Variants in PRRC2B observed in about 807,000 individuals in gnomAD.
PRRC2B encodes the protein proline rich coiled-coil 2B, also known as protein PRRC2B.
In PRRC2B, 68 loss-of-function variants were observed where a neutral mutation model predicts 242.3. That is an observed-to-expected ratio of 0.28 (90% CI 0.23 to 0.34). The LOEUF is 0.34. Among genes scored for constraint, PRRC2B ranks in the 10% least tolerant of loss-of-function variants. The pLI, the probability that PRRC2B is intolerant of heterozygous loss-of-function variation, is 1.00. For synonymous variants in PRRC2B, 1,228 were observed against 1,173.6 expected, an observed-to-expected ratio of 1.05 and a Z score of -0.95; for missense variants, 2,835 against 2,954.8, an observed-to-expected ratio of 0.96 and a Z score of 0.94.
In PRRC2B at chr9:131,496,555, T is replaced by G. The variant is rs1054022599; in HGVS notation, c.*681T>G. The G allele has an allele frequency of 2.0e-5, 3 of 148,602 alleles. No homozygotes were observed. The highest frequency in any genetic ancestry group is 4.5e-5 in the Non-Finnish European group (3 of 67,394). 9.2% of individuals were successfully genotyped at this position (148,602 alleles called of 1,614,324 possible). A position where few individuals can be genotyped will look rare whatever the true frequency, so the allele number is the denominator to read the frequency against. The stretch of plus-strand genomic sequence containing the variant: ...AAAGGAGGTTCTTGAGGGCACCGAT[T>G]GCGAGCATTCTGGTGCCTGGCTCCC... On this transcript the variant is annotated 3_prime_UTR_variant, in exon 32 of 32. Coordinates refer to ENST00000683519, the MANE Select transcript of PRRC2B (RefSeq NM_013318.4).
At chr9:131,425,444 A>G (rs1046351867) in intron 1 of PRRC2B, among the ~76,000 whole-genome samples, 1 of 152,134 alleles carries the variant, frequency 6.6e-6, no homozygotes, top group Non-Finnish European at 1.5e-5. Context: ...AGTCAGAGAA[A>G]GTAGAGGCCA....
chr9:131,410,513 C>T (rs1374096380), intron 1 of PRRC2B, among the ~76,000 whole-genome samples: 4 of 152,190 alleles, frequency 2.6e-5, no homozygotes, highest in Non-Finnish European at 5.9e-5. Flanking sequence ...TCTTCCAGTG[C>T]CCAACACTGC....
At chr9:131,426,466 G>A (rs538573060) in intron 1 of PRRC2B, among the ~76,000 whole-genome samples, 129 of 152,102 alleles carry the variant, frequency 8.5e-4, no homozygotes, top group Admixed American at 1.5e-3. Context: ...CAAGAGGCTT[G>A]CAATCTAGCC....
rs1034860463 is a variant in PRRC2B at position 131,468,219 on chromosome 9, G to A, written c.1911+466G>A. Among the ~76,000 whole-genome samples, 7 of 152,278 alleles carry A rather than the reference G, an allele frequency of 4.6e-5. No homozygotes were observed. The South Asian group carries it at 1.5e-3, about 32-fold the overall frequency. The stretch of plus-strand genomic sequence containing the variant: ...GCCCAAGAGAGGCACGTCACCTTTG[G>A]GTTACAGATGTAGGTTTGCAGGTTT... On this transcript the variant is annotated intron_variant, in intron 13 of 31. Coordinates refer to ENST00000683519, the MANE Select transcript of PRRC2B (RefSeq NM_013318.4).
At chr9:131,381,312 T>G (rs1836756410) in intron 1 of PRRC2B, among the ~76,000 whole-genome samples, 1 of 152,202 alleles carries the variant, frequency 6.6e-6, no homozygotes, top group East Asian at 1.9e-4. Flanking sequence ...TTTGGGAGGC[T>G]GCTTTGAGAG....
chr9:131,486,785 GTTC>G (rs1017246172), intron 26 of PRRC2B, among the ~76,000 whole-genome samples: 2 of 152,214 alleles, frequency 1.3e-5, no homozygotes, highest in African/African-American at 4.8e-5. Context: ...TTAAAAACAT[GTTC>G]TTAACTGCTG....
At chr9:131,436,098 C>T (rs551070280) in intron 3 of PRRC2B, among the ~76,000 whole-genome samples, 1 of 152,312 alleles carries the variant, frequency 6.6e-6, no homozygotes, top group East Asian at 1.9e-4. Flanking sequence ...GCCCTTCATT[C>T]CAGTGATTGA....
chr9:131,400,328 T>C (rs1231439097), intron 1 of PRRC2B, among the ~76,000 whole-genome samples: 2 of 151,734 alleles, frequency 1.3e-5, no homozygotes, highest in African/African-American at 4.8e-5. Context: ...TTTCTTTCTT[T>C]TTTTTTTTGA....
At chr9:131,463,645 T>TC (rs386416371) in intron 11 of PRRC2B, among the ~76,000 whole-genome samples, 5 of 143,510 alleles carry the variant, frequency 3.5e-5, no homozygotes, top group African/African-American at 1.3e-4. Flanking sequence ...TTTTTTTTTT[T>TC]TCTTAATGGG....
At chr9:131,388,355 C>A (rs1836853385) in intron 1 of PRRC2B, among the ~76,000 whole-genome samples, 1 of 147,372 alleles carries the variant, frequency 6.8e-6, no homozygotes, top group South Asian at 2.2e-4. Context: ...ATTCTCCTGC[C>A]TCAGCCTCCC....
At chr9:131,443,920 C>G (rs944231799) in intron 5 of PRRC2B, among the ~76,000 whole-genome samples, 10 of 152,186 alleles carry the variant, frequency 6.6e-5, no homozygotes, top group African/African-American at 2.4e-4. Context: ...TGGCCTGGAG[C>G]GGCTGTGATG....
chr9:131,461,490 A>G (rs1255460114), intron 11 of PRRC2B, among the ~76,000 whole-genome samples: 3 of 152,188 alleles, frequency 2.0e-5, no homozygotes, highest in Non-Finnish European at 4.4e-5. Context: ...AGGGGGAGTC[A>G]TGACTTTGAA....
chr9:131,475,906 C>T lies in PRRC2B; in HGVS notation c.3777C>T (p.Ser1259=). The change falls in exon 16 of 32, where the codon TCC becomes TCT. Residue 1259 remains serine (S), a synonymous_variant. Transcript: ENST00000683519. ...CAGACAGAGACTATGTCCCAGATTC[C>T]TACAGACACCCTGACGCATTTGGTG... ...RPTDRDYVPD[S]YRHPDAFGGR... is the part of the protein sequence containing the mutation. 6.2e-7 allele frequency: 1 copy of T among 1,614,006 alleles called. No individual in the cohort carries two copies. The highest frequency in any genetic ancestry group is 1.7e-5 in the Admixed American group (1 of 60,032).
chr9:131,401,695 A>T (rs1328392785), intron 1 of PRRC2B, among the ~76,000 whole-genome samples: 3 of 133,296 alleles, frequency 2.3e-5, no homozygotes, highest in Non-Finnish European at 4.9e-5. Context: ...CAGAGTTTTG[A>T]TGTTGCCCAG....
At chr9:131,442,871 A>G (rs1445631017) in intron 5 of PRRC2B, among the ~76,000 whole-genome samples, 1 of 152,222 alleles carries the variant, frequency 6.6e-6, no homozygotes, top group African/African-American at 2.4e-5. Flanking sequence ...GTAAGGGAAC[A>G]ACATTAGGAA....
intron 13 of PRRC2B, among the ~76,000 whole-genome samples, chr9:131,469,263 G>C (rs1043144336): frequency 3.3e-5 from 5 of 152,194 alleles, no homozygotes; most frequent in Non-Finnish European, 5.9e-5. Flanking sequence ...GCACCCAGGA[G>C]GTGGAGGTTG....
At chr9:131,431,188 TG>T (rs1435271623) in intron 2 of PRRC2B, among the ~76,000 whole-genome samples, 1 of 152,124 alleles carries the variant, frequency 6.6e-6, no homozygotes, top group African/African-American at 2.4e-5. Context: ...TGGAGTGCAG[TG>T]GTGTGATCTT....
chr9:131,414,733 C>A (rs544772399), intron 1 of PRRC2B, among the ~76,000 whole-genome samples: 1 of 152,034 alleles, frequency 6.6e-6, no homozygotes, highest in African/African-American at 2.4e-5. Flanking sequence ...CCACGCCCAA[C>A]TGATTTTTGT....
rs532318037 is a variant in PRRC2B at position 131,498,796 on chromosome 9, G to C, written c.*2922G>C. On this transcript the variant is annotated 3_prime_UTR_variant, in exon 32 of 32. Coordinates refer to ENST00000683519, the MANE Select transcript of PRRC2B (RefSeq NM_013318.4). ...GCTGGCAGCTCTGCCTTGGTCACTGGGGATGCGGCTCGTTGCTCAGCCACC... is the reference window on the plus strand; with the variant it reads ...GCTGGCAGCTCTGCCTTGGTCACTGCGGATGCGGCTCGTTGCTCAGCCACC... The C allele has an allele frequency of 6.6e-6, 1 of 152,258 alleles. No homozygotes were observed. The highest frequency in any genetic ancestry group is 1.9e-4 in the East Asian group (1 of 5,168). The allele number at this position is 152,258 out of a possible 1,614,324, so 9.4% of individuals were successfully genotyped here. A position where few individuals can be genotyped will look rare whatever the true frequency, so the allele number is the denominator to read the frequency against.
Sources: allele counts gnomAD v4.1 joint callset (sites outside exome capture counted in the v4.1 genomes callset), GRCh38; gene constraint gnomAD v4.1.1; transcripts MANE v1.5; gene names NCBI Gene and HGNC (gene_info 2026-07-23, HGNC 2026-07-21).